Variants in MLLT10 observed in about 807,000 individuals in gnomAD.
MLLT10 encodes the protein MLLT10 histone lysine methyltransferase DOT1L cofactor, also known as protein AF-10.
A neutral mutation model predicts 129.1 loss-of-function variants in MLLT10; 30 were observed. The ratio of observed to expected loss-of-function variants is 0.23; its 90% CI spans 0.17 to 0.32. MLLT10 has a LOEUF of 0.32. Among genes scored for constraint, MLLT10 ranks in the 10% least tolerant of loss-of-function variants. MLLT10 has a pLI of 1.00. For missense variants in MLLT10, 1,119 were observed against 1,268.3 expected (o/e 0.88, Z 1.79); for synonymous variants, 490 against 446.4 (o/e 1.10, Z -1.23).
intron 13 of MLLT10, among the ~76,000 whole-genome samples, chr10:21,697,041 C>T (rs1447455591): frequency 7.1e-6 from 1 of 141,408 alleles, no homozygotes; most frequent in Non-Finnish European, 1.5e-5. Flanking sequence ...ACTTATTATA[C>T]CATCAGTTAG....
At chr10:21,694,446 C>T (rs1273781122) in intron 13 of MLLT10, among the ~76,000 whole-genome samples, 1 of 152,144 alleles carries the variant, frequency 6.6e-6, no homozygotes, top group Non-Finnish European at 1.5e-5. Context: ...GGTTTTCTTT[C>T]CCCCTTTACA....
rs1226156336 is a variant in MLLT10 at position 21,624,798 on chromosome 10, T to C, written c.699+7591T>C. ...TCTTGCGTCCTACATTGTCCCCTGA[T>C]TGCCCTGAGATCCACGGGAACCACG... is the stretch of plus-strand genomic sequence containing the variant. On this transcript the variant is annotated intron_variant, in intron 8 of 22. Coordinates refer to ENST00000307729, the MANE Select transcript of MLLT10 (RefSeq NM_001195626.3). 3 of 1,078,754 alleles carry C rather than the reference T, an allele frequency of 2.8e-6. No homozygotes were observed. The East Asian group carries it at 7.2e-5, about 26-fold the overall frequency. 66.8% of individuals were successfully genotyped at this position (1,078,754 alleles called of 1,614,324 possible). A position where few individuals can be genotyped will look rare whatever the true frequency, so the allele number is the denominator to read the frequency against.
chr10:21,621,846 T>G (rs529856332), intron 8 of MLLT10, among the ~76,000 whole-genome samples: 10 of 152,354 alleles, frequency 6.6e-5, no homozygotes, highest in Middle Eastern at 3.4e-3. Context: ...CTGTTTCTCT[T>G]TGTGTATTTA....
chr10:21,576,091 TA>T (rs2040705991), intron 3 of MLLT10, among the ~76,000 whole-genome samples: 1 of 148,384 alleles, frequency 6.7e-6, no homozygotes, highest in Admixed American at 6.7e-5. Context: ...CGTGCCTGGC[TA>T]ATTTTTGTAT....
At chr10:21,561,962 C>G (rs1467740689) in intron 3 of MLLT10, among the ~76,000 whole-genome samples, 2 of 152,168 alleles carry the variant, frequency 1.3e-5, no homozygotes, top group African/African-American at 4.8e-5. Context: ...TGCCCCACCA[C>G]GCTCAGCTAA....
intron 8 of MLLT10, among the ~76,000 whole-genome samples, chr10:21,632,000 C>G (rs1014257413): frequency 2.1e-5 from 3 of 145,188 alleles, no homozygotes; most frequent in African/African-American, 7.6e-5. Flanking sequence ...AATGCTAATA[C>G]AGAATATGCC....
chr10:21,602,600 G>A (rs2043649504), intron 5 of MLLT10, among the ~76,000 whole-genome samples: 1 of 152,092 alleles, frequency 6.6e-6, no homozygotes, highest in Non-Finnish European at 1.5e-5. Context: ...CATTTTTAAG[G>A]GAATATAAGT....
In MLLT10 at chr10:21,733,872, TCAG is replaced by T; in HGVS notation, c.2605_2607del (p.Gln869del). On this transcript the variant is annotated inframe_deletion, in exon 20 of 23. Transcript: ENST00000307729. ...AACAAGGCTCAGGAGTGAGTGGAGT[TCAG>T]CAGGTCAATGGCGTGACAGTGGGGG... is the stretch of plus-strand genomic sequence containing the variant. 2 of 1,614,192 alleles carry T rather than the reference TCAG, an allele frequency of 1.2e-6. No individual in the cohort carries two copies. The highest frequency in any genetic ancestry group is 1.7e-6 in the Non-Finnish European group (2 of 1,180,012).
chr10:21,562,498 C>T (rs189871845), intron 3 of MLLT10, among the ~76,000 whole-genome samples: 17 of 151,496 alleles, frequency 1.1e-4, no homozygotes, highest in South Asian at 2.1e-4. Context: ...CCATCACGCC[C>T]GGCTAATTTT....
At chr10:21,669,326 T>G (rs1046564021) in intron 9 of MLLT10, among the ~76,000 whole-genome samples, 3 of 152,186 alleles carry the variant, frequency 2.0e-5, no homozygotes, top group African/African-American at 7.2e-5. Context: ...CTTATTCCTC[T>G]TTTTGAAATT....
intron 9 of MLLT10, among the ~76,000 whole-genome samples, chr10:21,652,175 G>A (rs1003261567): frequency 2.6e-5 from 4 of 152,022 alleles, no homozygotes; most frequent in Non-Finnish European, 4.4e-5. Context: ...GCCTCCCAAA[G>A]TGCTGGGATT....
chr10:21,603,230 T>C (rs2043732700), intron 5 of MLLT10, among the ~76,000 whole-genome samples: 1 of 150,274 alleles, frequency 6.7e-6, no homozygotes. Context: ...TTTTTTTTTT[T>C]TTTTTTTTGT....
chr10:21,540,124 C>T (rs754359348), intron 3 of MLLT10, among the ~76,000 whole-genome samples: 7 of 152,040 alleles, frequency 4.6e-5, no homozygotes, highest in African/African-American at 7.2e-5. Context: ...GGCACAGTGG[C>T]TCATGCCTAT....
chr10:21,620,808 A>G (rs1589268936), intron 8 of MLLT10, among the ~76,000 whole-genome samples: 1 of 150,902 alleles, frequency 6.6e-6, no homozygotes, highest in Non-Finnish European at 1.5e-5. Context: ...CTTCTGCCTC[A>G]CCCTCCCGAA....
At chr10:21,667,586 A>C (rs899528129) in intron 9 of MLLT10, among the ~76,000 whole-genome samples, 1 of 151,858 alleles carries the variant, frequency 6.6e-6, no homozygotes, top group Non-Finnish European at 1.5e-5. Flanking sequence ...TGTAGTCTCA[A>C]GGTTGGCTTG....
At chr10:21,639,979 AC>A (rs1431935517) in intron 8 of MLLT10, among the ~76,000 whole-genome samples, 1 of 151,750 alleles carries the variant, frequency 6.6e-6, no homozygotes, top group Non-Finnish European at 1.5e-5. Flanking sequence ...CCCCATTATA[AC>A]AAAGGACTGT....
intron 4 of MLLT10, among the ~76,000 whole-genome samples, chr10:21,593,816 A>G (rs2042741848): frequency 6.6e-6 from 1 of 150,572 alleles, no homozygotes; most frequent in Non-Finnish European, 1.5e-5. Context: ...AATCCCAGCT[A>G]CTTGGGAGGC....
intron 5 of MLLT10, among the ~76,000 whole-genome samples, chr10:21,608,253 T>C (rs1383427877): frequency 6.6e-6 from 1 of 151,952 alleles, no homozygotes; most frequent in Non-Finnish European, 1.5e-5. Flanking sequence ...AGTGCAGTTA[T>C]TGATCTCCTG....
intron 3 of MLLT10, among the ~76,000 whole-genome samples, chr10:21,583,984 T>C (rs7894565): frequency 0.32 from 48,964 of 151,074 alleles, 8,384 homozygotes; most frequent in Middle Eastern, 0.47. Context: ...ATTCTTCTGC[T>C]TCAGCCTCCC....
Sources: allele counts gnomAD v4.1 joint callset (sites outside exome capture counted in the v4.1 genomes callset), GRCh38; gene constraint gnomAD v4.1.1; transcripts MANE v1.5; gene names NCBI Gene and HGNC (gene_info 2026-07-23, HGNC 2026-07-21).